ALK: variants seen among roughly 807,000 people sequenced by gnomAD.
The protein encoded by ALK is ALK receptor tyrosine kinase.
ALK carries 74 observed loss-of-function variants against 163.1 expected under a neutral mutation model. The ratio of observed to expected loss-of-function variants is 0.45; its 90% CI spans 0.38 to 0.55. ALK has a LOEUF of 0.55. Among genes scored for constraint, ALK ranks in the 20% least tolerant of loss-of-function variants. The probability of loss-of-function intolerance (pLI) is 0.00; values close to 1 mark genes in which losing one functional copy is unlikely to be tolerated. For synonymous variants in ALK, 960 were observed against 843.2 expected (o/e 1.14, Z -2.40); for missense variants, 2,063 against 2,105.3 (o/e 0.98, Z 0.39).
intron 1 of ALK, among the ~76,000 whole-genome samples, chr2:29,750,226 T>C (rs1261682967): frequency 2.0e-5 from 3 of 152,214 alleles, no homozygotes; most frequent in Admixed American, 2.0e-4. Flanking sequence ...ACCTAGATGG[T>C]AGCCTACTAT....
At chr2:29,843,692 T>C (rs559118278) in intron 1 of ALK, among the ~76,000 whole-genome samples, 3 of 152,308 alleles carry the variant, frequency 2.0e-5, no homozygotes, top group African/African-American at 7.2e-5. Flanking sequence ...AAACCTCCCA[T>C]AATTTGTCAG....
intron 4 of ALK, among the ~76,000 whole-genome samples, chr2:29,530,062 C>CTTTTT (rs10536963): frequency 9.8e-6 from 1 of 101,892 alleles, no homozygotes; most frequent in Non-Finnish European, 2.1e-5. Context: ...AATAATCGCT[C>CTTTTT]TTTTTTTTTT....
chr2:29,556,342 A>G (rs889122826), intron 3 of ALK, among the ~76,000 whole-genome samples: 5 of 152,224 alleles, frequency 3.3e-5, no homozygotes, highest in Admixed American at 2.0e-4. Flanking sequence ...GAGGAAACCC[A>G]TGTAAAATGC....
intron 4 of ALK, among the ~76,000 whole-genome samples, chr2:29,392,510 G>C (rs1338955853): frequency 6.6e-6 from 1 of 152,156 alleles, no homozygotes; most frequent in Non-Finnish European, 1.5e-5. Context: ...GTTGCCTCAG[G>C]CTACCTTATT....
chr2:29,684,570 G>C lies in ALK; in HGVS notation c.952+10280C>G, dbSNP rs570148351. 5.3e-5 allele frequency among the ~76,000 whole-genome samples: 8 copies of C among 152,338 alleles called. No homozygotes were observed. In the East Asian group the frequency reaches 9.6e-4, roughly 18 times the overall value. Reference sequence around the variant, plus strand: ...ACTCCTCAACCTGGCCATCTGCAAAGAAGACACAGGTGACAGTGGGCTTCC... The same window carrying C: ...ACTCCTCAACCTGGCCATCTGCAAACAAGACACAGGTGACAGTGGGCTTCC... On this transcript the variant is annotated intron_variant, in intron 3 of 28. Coordinates refer to ENST00000389048, the MANE Select transcript of ALK (RefSeq NM_004304.5).
chr2:29,443,981 C>T (rs1274975312), intron 4 of ALK, among the ~76,000 whole-genome samples: 1 of 152,196 alleles, frequency 6.6e-6, no homozygotes, highest in Admixed American at 6.5e-5. Flanking sequence ...TACCAGATTG[C>T]TCTTGTTACG....
intron 1 of ALK, among the ~76,000 whole-genome samples, chr2:29,744,530 G>A (rs1307889231): frequency 6.6e-6 from 1 of 152,046 alleles, no homozygotes; most frequent in African/African-American, 2.4e-5. Context: ...TCATCTGAAG[G>A]CTCATTCACT....
chr2:29,622,722 C>A (rs148278027), intron 3 of ALK, among the ~76,000 whole-genome samples: 1 of 152,246 alleles, frequency 6.6e-6, no homozygotes, highest in Non-Finnish European at 1.5e-5. Context: ...TGGGCCAGCC[C>A]CCTCACCCCT....
At chr2:29,721,041 A>G (rs1679407341) in intron 1 of ALK, among the ~76,000 whole-genome samples, 1 of 152,224 alleles carries the variant, frequency 6.6e-6, no homozygotes, top group Non-Finnish European at 1.5e-5. Context: ...AGTGAGGCAG[A>G]CAAGTGAAGG....
At chr2:29,886,650 G>T (rs1239570434) in intron 1 of ALK, among the ~76,000 whole-genome samples, 1 of 152,112 alleles carries the variant, frequency 6.6e-6, no homozygotes, top group Non-Finnish European at 1.5e-5. Flanking sequence ...TCAAAACCCG[G>T]GTGAAAGAGA....
chr2:29,683,428 G>A (rs906887990), intron 3 of ALK, among the ~76,000 whole-genome samples: 4 of 151,880 alleles, frequency 2.6e-5, no homozygotes, highest in Non-Finnish European at 5.9e-5. Context: ...AAATGACTAC[G>A]AATCACCAGT....
At chr2:29,823,688 T>C (rs956233356) in intron 1 of ALK, among the ~76,000 whole-genome samples, 1 of 152,160 alleles carries the variant, frequency 6.6e-6, no homozygotes, top group African/African-American at 2.4e-5. Context: ...GGGTATCTGG[T>C]GGATGAAATT....
At chr2:29,473,492 A>T (rs1196142430) in intron 4 of ALK, among the ~76,000 whole-genome samples, 1 of 152,240 alleles carries the variant, frequency 6.6e-6, no homozygotes, top group Non-Finnish European at 1.5e-5. Flanking sequence ...CAATGTATAC[A>T]TCTTAAGGAC....
chr2:29,691,685 C>T (rs1678400388), intron 3 of ALK, among the ~76,000 whole-genome samples: 1 of 152,156 alleles, frequency 6.6e-6, no homozygotes, highest in Non-Finnish European at 1.5e-5. Context: ...TTTCTTCCTT[C>T]CCTCCTCTCC....
At chr2:29,842,771 G>T (rs1185312697) in intron 1 of ALK, among the ~76,000 whole-genome samples, 1 of 152,196 alleles carries the variant, frequency 6.6e-6, no homozygotes, top group Non-Finnish European at 1.5e-5. Flanking sequence ...CCTAACAACA[G>T]TAGTGTGTAC....
rs868012490 is a variant in ALK, at chr2:29,674,990, A to C, written c.952+19860T>G. ...GGTGTTTGTAGTATTCTCTGATGGTAGTTTGTATTTCTGTGGGATCGGTGG... is the reference window on the plus strand; with the variant it reads ...GGTGTTTGTAGTATTCTCTGATGGTCGTTTGTATTTCTGTGGGATCGGTGG... On this transcript the variant is annotated intron_variant, in intron 3 of 28. Coordinates refer to ENST00000389048, the MANE Select transcript of ALK (RefSeq NM_004304.5). Among the ~76,000 whole-genome samples, 16 of 150,242 alleles carry C rather than the reference A, an allele frequency of 1.1e-4. No individual in the cohort carries two copies. In the South Asian group the frequency reaches 1.5e-3, roughly 14 times the overall value.
At chr2:29,676,622 A>C (rs1677881337) in intron 3 of ALK, among the ~76,000 whole-genome samples, 1 of 152,014 alleles carries the variant, frequency 6.6e-6, no homozygotes, top group African/African-American at 2.4e-5. Flanking sequence ...CCTTGAAAAA[A>C]TATTGTGTCT....
At chr2:29,270,880 A>T (rs1665366512) in intron 11 of ALK, among the ~76,000 whole-genome samples, 2 of 151,734 alleles carry the variant, frequency 1.3e-5, no homozygotes, top group Admixed American at 6.6e-5. Flanking sequence ...CACATCTTGG[A>T]CCTCCCACCT....
chr2:29,206,016 G>C (rs1003511249), intron 26 of ALK, among the ~76,000 whole-genome samples: 3 of 152,142 alleles, frequency 2.0e-5, no homozygotes, highest in Non-Finnish European at 4.4e-5. Flanking sequence ...GCCAGGACCA[G>C]GGAGACTTCA....
Sources: allele counts gnomAD v4.1 joint callset (sites outside exome capture counted in the v4.1 genomes callset), GRCh38; gene constraint gnomAD v4.1.1; transcripts MANE v1.5; gene names NCBI Gene and HGNC (gene_info 2026-07-23, HGNC 2026-07-21).